Variants in HHAT observed in about 807,000 individuals in gnomAD.
HHAT encodes the protein hedgehog acyltransferase.
Under a neutral mutation model 70.8 loss-of-function variants are expected in HHAT, and 47 were observed. The ratio of observed to expected loss-of-function variants is 0.66; its 90% CI spans 0.53 to 0.85. The LOEUF (loss-of-function observed/expected upper bound fraction) is 0.85, where lower values mean the gene tolerates loss of function less well. HHAT is among the 40% of genes least tolerant of loss of function. HHAT has a pLI of 0.00. For synonymous variants in HHAT, 228 were observed against 247.6 expected, an observed-to-expected ratio of 0.92 and a Z score of 0.74; for missense variants, 609 against 604.8, an observed-to-expected ratio of 1.01 and a Z score of -0.07.
chr1:210,399,426 G>A (rs143443103), intron 4 of HHAT, among the ~76,000 whole-genome samples: 2 of 152,032 alleles, frequency 1.3e-5, no homozygotes, highest in South Asian at 2.1e-4. Flanking sequence ...GCTAATTTTT[G>A]TATTTTTAGT....
chr1:210,644,296 C>T (rs1396974117), intron 11 of HHAT, among the ~76,000 whole-genome samples: 3 of 152,024 alleles, frequency 2.0e-5, no homozygotes, highest in Admixed American at 6.6e-5. Context: ...GAGTGAAGTG[C>T]GTCATCTAAG....
chr1:210,364,399 T>A (rs1205252717), intron 3 of HHAT, among the ~76,000 whole-genome samples: 4 of 152,186 alleles, frequency 2.6e-5, no homozygotes, highest in African/African-American at 9.7e-5. Flanking sequence ...CACTAGCGGA[T>A]GTCTTACAGC....
intron 7 of HHAT, among the ~76,000 whole-genome samples, chr1:210,429,979 A>G (rs2093195314): frequency 6.6e-6 from 1 of 151,944 alleles, no homozygotes; most frequent in African/African-American, 2.4e-5. Flanking sequence ...TTTCCATCAT[A>G]AACTGGAGCT....
chr1:210,489,791 T>C (rs914774503), intron 8 of HHAT, among the ~76,000 whole-genome samples: 2 of 152,188 alleles, frequency 1.3e-5, no homozygotes, highest in African/African-American at 4.8e-5. Context: ...TTTGGATACA[T>C]GCCTTTAGTG....
chr1:210,399,915 T>A lies in HHAT; in HGVS notation c.274-553T>A, dbSNP rs566755808. ...GATGCAATTTTTCTATGACATAAAT[T>A]TGACTAATCAATATGCAAAAAATCA... On this transcript the variant is annotated intron_variant, in intron 4 of 11. Transcript: ENST00000261458. Among the ~76,000 whole-genome samples the A allele has an allele frequency of 1.6e-3, 242 of 152,312 alleles. 1 individual carries two copies. Among genetic ancestry groups the A allele is most frequent in the South Asian group, 0.011 (53 of 4,828 alleles).
intron 1 of HHAT, among the ~76,000 whole-genome samples, chr1:210,347,120 G>T (rs921660664): frequency 1.3e-5 from 2 of 152,132 alleles, no homozygotes; most frequent in African/African-American, 4.8e-5. Flanking sequence ...TAGATCCTCA[G>T]AATTTATTCA....
intron 1 of HHAT, among the ~76,000 whole-genome samples, chr1:210,345,661 A>G (rs1274749474): frequency 6.6e-6 from 1 of 152,216 alleles, no homozygotes; most frequent in East Asian, 1.9e-4. Context: ...TGCAGTAGGA[A>G]CTTACTTTTT....
At chr1:210,494,229 G>A (rs553135291) in intron 8 of HHAT, among the ~76,000 whole-genome samples, 18 of 152,202 alleles carry the variant, frequency 1.2e-4, no homozygotes, top group Admixed American at 1.3e-4. Flanking sequence ...ATTAAGTAGA[G>A]GAGTGATGTG....
chr1:210,425,863 T>G (rs2093046690), intron 7 of HHAT, among the ~76,000 whole-genome samples: 1 of 152,214 alleles, frequency 6.6e-6, no homozygotes, highest in Non-Finnish European at 1.5e-5. Flanking sequence ...AATAATTTTT[T>G]TCTAGTTCTG....
chr1:210,519,632 A>G lies in HHAT; in HGVS notation c.1043+6444A>G, dbSNP rs546399796. ...AGCCTCAACCTCCTGGACTCAAGCAATCCGCCTACCTTAGCCTCCAGGTAG... is the reference window on the plus strand; with the variant it reads ...AGCCTCAACCTCCTGGACTCAAGCAGTCCGCCTACCTTAGCCTCCAGGTAG... On this transcript the variant is annotated intron_variant, in intron 9 of 11. Transcript: ENST00000261458. Among the ~76,000 whole-genome samples, 619 of 151,102 alleles carry G rather than the reference A, an allele frequency of 4.1e-3. 2 individuals carry two copies. Among genetic ancestry groups the G allele is most frequent in the South Asian group, 1.0e-2 (47 of 4,718 alleles).
intron 9 of HHAT, among the ~76,000 whole-genome samples, chr1:210,577,320 T>C (rs1573460160): frequency 6.6e-6 from 1 of 152,332 alleles, no homozygotes; most frequent in East Asian, 1.9e-4. Flanking sequence ...TGGCTTGTCA[T>C]ATATGGACTT....
intron 1 of HHAT, among the ~76,000 whole-genome samples, chr1:210,341,466 C>A (rs2086035928): frequency 6.6e-6 from 1 of 152,158 alleles, no homozygotes; most frequent in South Asian, 2.1e-4. Context: ...TACTTTTCTT[C>A]CAAGATCAAG....
rs202027302 is a variant in HHAT, at chr1:210,592,666, C to CA, written c.1245+4568dup. On this transcript the variant is annotated intron_variant, in intron 10 of 11. Coordinates refer to ENST00000261458, the MANE Select transcript of HHAT (RefSeq NM_018194.6). ...AATATTGATTATTTCAATCCATGAA[C>CA]ATGGAATATCTTTCCATTTTTTGTG... 9.1e-4 allele frequency among the ~76,000 whole-genome samples: 138 copies of CA among 152,104 alleles called. 2 individuals carry two copies. In the East Asian group the frequency reaches 0.026, roughly 29 times the overall value.
At chr1:210,468,751 C>T (rs1223610218) in intron 8 of HHAT, among the ~76,000 whole-genome samples, 2 of 152,000 alleles carry the variant, frequency 1.3e-5, no homozygotes, top group South Asian at 2.1e-4. Context: ...GATGGTGGTC[C>T]TGGAGTTGGT....
chr1:210,403,661 T>C (rs2092187945), intron 5 of HHAT, among the ~76,000 whole-genome samples: 1 of 152,248 alleles, frequency 6.6e-6, no homozygotes, highest in African/African-American at 2.4e-5. Context: ...CTTTCTCCTT[T>C]GACCCAAGTT....
intron 9 of HHAT, among the ~76,000 whole-genome samples, chr1:210,571,628 G>A (rs141405797): frequency 8.2e-4 from 125 of 152,278 alleles, no homozygotes; most frequent in African/African-American, 2.8e-3. Flanking sequence ...TCTTCGAGCC[G>A]TGAAACTTCT....
At chr1:210,643,231 C>T (rs1196625182) in intron 11 of HHAT, among the ~76,000 whole-genome samples, 1 of 152,202 alleles carries the variant, frequency 6.6e-6, no homozygotes, top group Non-Finnish European at 1.5e-5. Context: ...CCTTAATCTT[C>T]ATTCTTCAAA....
intron 9 of HHAT, among the ~76,000 whole-genome samples, chr1:210,586,723 A>G (rs1005060079): frequency 1.3e-5 from 2 of 152,168 alleles, no homozygotes; most frequent in Non-Finnish European, 2.9e-5. Flanking sequence ...TTGGACAAAG[A>G]AGCACTGATC....
At chr1:210,563,152 T>C (rs2095639687) in intron 9 of HHAT, among the ~76,000 whole-genome samples, 2 of 152,090 alleles carry the variant, frequency 1.3e-5, no homozygotes, top group Admixed American at 1.3e-4. Context: ...GGTCAAGTGA[T>C]TCCGCCTGTG....
Sources: gnomAD v4.1 joint callset for allele counts (sites outside exome capture counted in the v4.1 genomes callset) on GRCh38, gnomAD v4.1.1 for gene constraint, MANE v1.5 for transcripts, NCBI Gene and HGNC (gene_info 2026-07-23, HGNC 2026-07-21) for gene names.